The following RIPOR3 variants were observed in gnomAD, a reference collection of about 807,000 sequenced individuals.
The protein encoded by RIPOR3 is family with sequence similarity 65 member C.
A neutral mutation model predicts 114.3 loss-of-function variants in RIPOR3; 95 were observed. That is an observed-to-expected ratio of 0.83 (90% confidence interval 0.70 to 0.99). The LOEUF (loss-of-function observed/expected upper bound fraction) is 0.99, where lower values mean the gene tolerates loss of function less well. Ranked by LOEUF, RIPOR3 falls within the 50% of genes least tolerant of loss-of-function variation. The probability of loss-of-function intolerance (pLI) is 0.00; values close to 1 mark genes in which losing one functional copy is unlikely to be tolerated. For missense variants in RIPOR3, 1,252 were observed against 1,266.9 expected (o/e 0.99, Z 0.18); for synonymous variants, 575 against 543.8 (o/e 1.06, Z -0.80).
At chr20:50,686,701 A>T (rs2087036314) in intron 1 of RIPOR3, among the ~76,000 whole-genome samples, 1 of 151,458 alleles carries the variant, frequency 6.6e-6, no homozygotes, top group Non-Finnish European at 1.5e-5. Context: ...CAGTGAGCTG[A>T]GATCGCACCA....
At chr20:50,610,665 G>T (rs1377662987) in intron 6 of RIPOR3, among the ~76,000 whole-genome samples, 188 bp downstream of exon 6, 1 of 152,062 alleles carries the variant, frequency 6.6e-6, no homozygotes, top group Admixed American at 6.6e-5. Flanking sequence ...CCCACCTCAG[G>T]GCTGAGCCCC....
At chr20:50,592,987 G>A (rs1435232129) in intron 18 of RIPOR3, 48 bp downstream of exon 18, 2 of 1,602,434 alleles carry the variant, frequency 1.2e-6, no homozygotes, top group Non-Finnish European at 8.5e-7. Context: ...ATGTGACAGG[G>A]CTCCGTGGAT....
Position 50,595,394 on chromosome 20 carries a change from G to C in RIPOR3, c.2025C>G (p.Val675=), listed in dbSNP as rs755521251. 2.4e-5 allele frequency: 39 copies of C among 1,613,978 alleles called. No homozygotes were observed. Among genetic ancestry groups the C allele is most frequent in the East Asian group, 4.5e-5 (2 of 44,884 alleles). The change falls in exon 16 of 22, where the codon GTC becomes GTG. Residue 675 remains valine (V), a synonymous_variant. Transcript: ENST00000327979. ...TCTCTTCAATGGATGTTGCCTTGCC[G>C]ACCTTCTCAAAGTCAAGGACAGAAA... is the stretch of plus-strand genomic sequence containing the variant. ...ETLSVLDFEK[V]GKATSIEEII...
intron 12 of RIPOR3, among the ~76,000 whole-genome samples, chr20:50,604,213 G>A (rs1478122147): frequency 6.6e-6 from 1 of 151,946 alleles, no homozygotes; most frequent in Non-Finnish European, 1.5e-5. Flanking sequence ...AAAAAAAAAG[G>A]CGTATACACT....
chr20:50,672,425 C>T (rs1399173710), intron 1 of RIPOR3, among the ~76,000 whole-genome samples: 2 of 152,204 alleles, frequency 1.3e-5, no homozygotes, highest in African/African-American at 2.4e-5. Flanking sequence ...CAGCAACCCC[C>T]AGGCTAGATT....
At chr20:50,617,189 G>C (rs896245019) in intron 3 of RIPOR3, among the ~76,000 whole-genome samples, 2 of 152,114 alleles carry the variant, frequency 1.3e-5, no homozygotes, top group African/African-American at 4.8e-5. Flanking sequence ...AAGGCAGGGA[G>C]TCCCATCTTG....
chr20:50,667,641 G>A lies in RIPOR3; in HGVS notation c.3+23485C>T, dbSNP rs114768141. Among the ~76,000 whole-genome samples, 1,483 of 152,216 alleles carry A rather than the reference G, an allele frequency of 9.7e-3. 27 individuals carry two copies. Among genetic ancestry groups the A allele is most frequent in the African/African-American group, 0.032 (1,325 of 41,518 alleles). On this transcript the variant is annotated intron_variant, in intron 1 of 21. Transcript: ENST00000327979. ...CTCACCGCGGCTCAGCTCACTGTACGGCCCCTGCATAGAGAGGGGAGGGCA... is the reference window on the plus strand; with the variant it reads ...CTCACCGCGGCTCAGCTCACTGTACAGCCCCTGCATAGAGAGGGGAGGGCA...
intron 1 of RIPOR3, among the ~76,000 whole-genome samples, chr20:50,642,343 T>TGG (rs1287088787): frequency 1.3e-4 from 9 of 67,520 alleles, no homozygotes; most frequent in South Asian, 3.8e-4. Context: ...TTGTTCTCTG[T>TGG]GGGTGTGTGT....
intron 1 of RIPOR3, among the ~76,000 whole-genome samples, chr20:50,638,804 G>A (rs1045439530): frequency 2.6e-5 from 4 of 152,174 alleles, no homozygotes; most frequent in African/African-American, 9.7e-5. Flanking sequence ...CCAGCTGTAG[G>A]AGCAGTGATA....
chr20:50,607,470 G>A (rs997191740), intron 11 of RIPOR3, among the ~76,000 whole-genome samples: 4 of 152,176 alleles, frequency 2.6e-5, no homozygotes, highest in African/African-American at 4.8e-5. Flanking sequence ...GGCCTGGCTC[G>A]TGGCACCTGG....
intron 3 of RIPOR3, among the ~76,000 whole-genome samples, chr20:50,617,714 C>T (rs2084231850): frequency 6.6e-6 from 1 of 151,324 alleles, no homozygotes; most frequent in Non-Finnish European, 1.5e-5. Flanking sequence ...CAACCCCCAC[C>T]TCCCGGGTTC....
intron 15 of RIPOR3, 80 bp downstream of exon 15, chr20:50,596,060 C>T: frequency 6.3e-7 from 1 of 1,586,230 alleles, no homozygotes; most frequent in Non-Finnish European, 8.6e-7. Flanking sequence ...ATGCTTCCCA[C>T]CACCTTCAAG....
At chr20:50,611,058 A>C in intron 5 of RIPOR3, 123 bp downstream of exon 5, 1 of 1,558,714 alleles carries the variant, frequency 6.4e-7, no homozygotes, top group Non-Finnish European at 8.8e-7. Flanking sequence ...CAGCCTTCCC[A>C]TTCCTAAAAT....
chr20:50,609,619 C>G lies in RIPOR3; in HGVS notation c.530G>C (p.Arg177Pro). 1 of 1,409,290 alleles carries G rather than the reference C, an allele frequency of 7.1e-7. No homozygotes were observed. The highest frequency in any genetic ancestry group is 9.2e-7 in the Non-Finnish European group (1 of 1,085,998). The allele number at this position is 1,409,290 out of a possible 1,614,324, so 87.3% of individuals were successfully genotyped here. A position where few individuals can be genotyped will look rare whatever the true frequency, so the allele number is the denominator to read the frequency against. Residue 177 changes from arginine (R) to proline (P), a missense_variant, in exon 7 of 22, where the codon CGA (arginine) becomes CCA (proline). Transcript: ENST00000327979. ...GCGGCCCAGCTCCTGCAGGCTCTCT[C>G]GGGCTGCGCGGCTCGGGGGGCACCG... ...FARCPPSRAA[R>P]ESLQELGRSL...
intron 14 of RIPOR3, 110 bp from the exon 15 acceptor site, chr20:50,596,373 G>C: frequency 6.8e-7 from 1 of 1,475,298 alleles, no homozygotes; most frequent in Non-Finnish European, 9.3e-7. Context: ...GCCCACTCCA[G>C]GTCCCAGGAA....
In RIPOR3 at chr20:50,685,397, A is replaced by C. The variant is rs556933083; in HGVS notation, c.3+5729T>G. 7.8e-4 allele frequency among the ~76,000 whole-genome samples: 117 copies of C among 150,946 alleles called. 2 individuals are homozygous for C. The South Asian group carries it at 0.024, about 31-fold the overall frequency. On this transcript the variant is annotated intron_variant, in intron 1 of 21. Transcript: ENST00000327979. The stretch of plus-strand genomic sequence containing the variant: ...GCGCCTGGCTAATTTTTGTATTTTT[A>C]GTAGAGACGGGGTTTCACCATCTTG...
intron 2 of RIPOR3, among the ~76,000 whole-genome samples, chr20:50,622,348 AT>A (rs1185513910): frequency 5.9e-5 from 9 of 151,852 alleles, no homozygotes; most frequent in Admixed American, 5.3e-4. Context: ...TACCTGGATA[AT>A]TTTTGTATTT....
intron 4 of RIPOR3, among the ~76,000 whole-genome samples, chr20:50,612,632 GA>G (rs1471499574): frequency 6.6e-6 from 1 of 152,072 alleles, no homozygotes; most frequent in African/African-American, 2.4e-5. Context: ...TGACCAGAGA[GA>G]AAAATATGGA....
intron 1 of RIPOR3, among the ~76,000 whole-genome samples, chr20:50,665,844 TG>T (rs1254594196): frequency 2.6e-5 from 4 of 152,136 alleles, no homozygotes; most frequent in African/African-American, 9.7e-5. Context: ...CCAAGGAATC[TG>T]CTCCAAGCTA....
Sources: allele counts gnomAD v4.1 joint callset (sites outside exome capture counted in the v4.1 genomes callset), GRCh38; gene constraint gnomAD v4.1.1; transcripts MANE v1.5; gene names NCBI Gene and HGNC (gene_info 2026-07-23, HGNC 2026-07-21).